The following WNT3 variants were observed in gnomAD, a reference collection of about 807,000 sequenced individuals.
The protein encoded by WNT3 is Wnt family member 3, also known as proto-oncogene Wnt-3.
WNT3 carries 7 observed loss-of-function variants against 34.2 expected under a neutral mutation model. That is an observed-to-expected ratio of 0.20 (90% CI 0.12 to 0.38). The LOEUF (loss-of-function observed/expected upper bound fraction) is 0.38, where lower values mean the gene tolerates loss of function less well. Among genes scored for constraint, WNT3 ranks in the 10% least tolerant of loss-of-function variants. The pLI is 1.00. For missense variants in WNT3, 267 were observed against 499.8 expected (o/e 0.53, Z 4.44); for synonymous variants, 212 against 211.5 (o/e 1.00, Z -0.02).
In WNT3 at chr17:46,768,258, C is replaced by A. The variant is rs568723078; in HGVS notation, c.*8+54G>T. 1.2e-6 allele frequency: 2 copies of A among 1,609,362 alleles called. No individual in the cohort carries two copies. Among genetic ancestry groups the A allele is most frequent in the Non-Finnish European group, 8.5e-7 (1 of 1,179,474 alleles). ...TCAAGAAGACGAGATGGGCAAACAACCCCATTCCCTGCGCCCAGGCTCCCA... is the reference window on the plus strand; with the variant it reads ...TCAAGAAGACGAGATGGGCAAACAAACCCATTCCCTGCGCCCAGGCTCCCA... On this transcript the variant is annotated intron_variant, in intron 4 of 4. Coordinates refer to ENST00000225512, the MANE Select transcript of WNT3 (RefSeq NM_030753.5). This position sits in a 1 kb window ranked among gnomAD's most constrained non-coding sequence, Gnocchi z 5.0.
intron 1 of WNT3, among the ~76,000 whole-genome samples, chr17:46,774,365 C>T (rs2146387247): frequency 6.6e-6 from 1 of 152,286 alleles, no homozygotes; most frequent in East Asian, 1.9e-4. Context: ...CGCGCGCGCA[C>T]ACACACACAC....
At chr17:46,809,438 GGGT>G (rs1345573382) in intron 1 of WNT3, among the ~76,000 whole-genome samples, 2 of 152,182 alleles carry the variant, frequency 1.3e-5, no homozygotes, top group Non-Finnish European at 2.9e-5. Context: ...AGACAGACCT[GGGT>G]GCTTGGTCCT....
chr17:46,773,926 G>T lies in WNT3; in HGVS notation c.81-17C>A, dbSNP rs751442427. ...GCCAGGGACCTGCAGGCAGACAGAGGGTAGTAACACTGTGGGCACAAAGCA... is the reference window on the plus strand; with the variant it reads ...GCCAGGGACCTGCAGGCAGACAGAGTGTAGTAACACTGTGGGCACAAAGCA... On this transcript the variant is annotated splice_polypyrimidine_tract_variant and intron_variant, in intron 1 of 4. Transcript: ENST00000225512. 12 of 1,609,380 alleles carry T rather than the reference G, an allele frequency of 7.5e-6. No homozygotes were observed. The African/African-American group carries it at 1.5e-4, about 20-fold the overall frequency.
intron 4 of WNT3, among the ~76,000 whole-genome samples, chr17:46,766,406 C>CA (rs1241288262): frequency 0.012 from 1,532 of 126,826 alleles, 29 homozygotes; most frequent in African/African-American, 0.035. Flanking sequence ...GACTCAGTCT[C>CA]AAAAAAAAAA....
At chr17:46,769,533 T>C (rs2059344924) in intron 3 of WNT3, among the ~76,000 whole-genome samples, 1 of 152,040 alleles carries the variant, frequency 6.6e-6, no homozygotes, top group Non-Finnish European at 1.5e-5. Context: ...TGGCACCTGA[T>C]CCCACGGGGT....
intron 1 of WNT3, among the ~76,000 whole-genome samples, chr17:46,786,347 A>C (rs1341255369): frequency 1.3e-5 from 2 of 152,188 alleles, no homozygotes; most frequent in East Asian, 3.9e-4. Flanking sequence ...CCCAGGACCA[A>C]ACACAGTCCC....
chr17:46,801,055 C>CTAG (rs1450694617), intron 1 of WNT3, among the ~76,000 whole-genome samples: 1 of 152,196 alleles, frequency 6.6e-6, no homozygotes, highest in African/African-American at 2.4e-5. Flanking sequence ...TGACCCTGTG[C>CTAG]TAGTCTCACA....
At position 46,768,922 on chromosome 17, in the gene WNT3, A is replaced by T; in HGVS notation, c.589-123T>A. 1.4e-6 allele frequency: 2 copies of T among 1,437,640 alleles called. No homozygotes were observed. Among genetic ancestry groups the T allele is most frequent in the South Asian group, 2.7e-5 (2 of 74,390 alleles). 89.1% of individuals were successfully genotyped at this position (1,437,640 alleles called of 1,614,324 possible). On this transcript the variant is annotated intron_variant, in intron 3 of 4. Transcript: ENST00000225512. This position sits in a 1 kb window ranked among gnomAD's most constrained non-coding sequence, Gnocchi z 5.0. Reference sequence around the variant, plus strand: ...CCTTCTCTACTCCTCTGTGACAGGAAGAGAACTGATGGGGACTGAGGCAAG... The same window carrying T: ...CCTTCTCTACTCCTCTGTGACAGGATGAGAACTGATGGGGACTGAGGCAAG...
chr17:46,775,766 A>G (rs2059407813), intron 1 of WNT3, among the ~76,000 whole-genome samples: 1 of 151,784 alleles, frequency 6.6e-6, no homozygotes, highest in Non-Finnish European at 1.5e-5. Context: ...GGTGCCCACC[A>G]CCACGCCCGG....
At chr17:46,784,688 G>A (rs138008913) in intron 1 of WNT3, among the ~76,000 whole-genome samples, 206 of 152,134 alleles carry the variant, frequency 1.4e-3, no homozygotes, top group African/African-American at 4.9e-3. Flanking sequence ...TATTCCGGAC[G>A]AGGTCCCCAC....
chr17:46,807,957 A>G (rs1429865771), intron 1 of WNT3, among the ~76,000 whole-genome samples: 2 of 152,202 alleles, frequency 1.3e-5, no homozygotes, highest in Admixed American at 1.3e-4. Flanking sequence ...GAAATGAACA[A>G]TTGGCTGTTT....
At position 46,764,259 on chromosome 17, in the gene WNT3, A is replaced by G. The variant is rs1282189831; in HGVS notation, c.*371T>C. 6.5e-6 allele frequency: 1 copy of G among 152,674 alleles called. No homozygotes were observed. The highest frequency in any genetic ancestry group is 1.9e-4 in the East Asian group (1 of 5,198). 9.5% of individuals were successfully genotyped at this position (152,674 alleles called of 1,614,324 possible). On this transcript the variant is annotated 3_prime_UTR_variant, in exon 5 of 5. Coordinates refer to ENST00000225512, the MANE Select transcript of WNT3 (RefSeq NM_030753.5). ...TGCCCATGCTGATGTCTTGACTGCC[A>G]GGCTGAGAGCTCACATTAGCCCAGC... is the stretch of plus-strand genomic sequence containing the variant.
rs533014042 is a variant in WNT3, at chr17:46,781,885, C to T, written c.81-7976G>A. 1.2e-4 allele frequency among the ~76,000 whole-genome samples: 18 copies of T among 152,260 alleles called. No homozygotes were observed. The South Asian group carries it at 1.5e-3, about 12-fold the overall frequency. ...AGGCCCAGAGAGGTTTGTCATTTTC[C>T]GGGGTCACACAGCTGGCTGCCCAGG... On this transcript the variant is annotated intron_variant, in intron 1 of 4. Coordinates refer to ENST00000225512, the MANE Select transcript of WNT3 (RefSeq NM_030753.5).
chr17:46,798,769 G>A (rs1044720782), intron 1 of WNT3, among the ~76,000 whole-genome samples: 1 of 152,142 alleles, frequency 6.6e-6, no homozygotes, highest in African/African-American at 2.4e-5. Flanking sequence ...TCCCTGATAG[G>A]CTGGGCGCAG....
At chr17:46,792,481 A>G (rs957098849) in intron 1 of WNT3, among the ~76,000 whole-genome samples, 7 of 151,936 alleles carry the variant, frequency 4.6e-5, no homozygotes, top group African/African-American at 1.5e-4. Flanking sequence ...TGGCCATTTT[A>G]TTATTTTTTT....
chr17:46,771,328 C>T (rs1321921653), intron 2 of WNT3, among the ~76,000 whole-genome samples: 6 of 151,950 alleles, frequency 3.9e-5, no homozygotes. Context: ...GCGCCGCTCA[C>T]TCGCCCCAAT....
chr17:46,803,229 TTTCA>T (rs1242325203), intron 1 of WNT3, among the ~76,000 whole-genome samples: 3 of 152,192 alleles, frequency 2.0e-5, no homozygotes, highest in African/African-American at 7.2e-5. Flanking sequence ...TTTCCTGTAC[TTTCA>T]TTAAAAAGTT....
intron 2 of WNT3, among the ~76,000 whole-genome samples, chr17:46,771,895 C>A (rs1441308456): frequency 6.9e-6 from 1 of 144,478 alleles, no homozygotes; most frequent in Non-Finnish European, 1.5e-5. Context: ...CCCGCCCCTG[C>A]CCCCGCCCCC....
intron 1 of WNT3, among the ~76,000 whole-genome samples, chr17:46,785,449 G>C (rs577156623): frequency 1.3e-5 from 2 of 152,370 alleles, no homozygotes; most frequent in African/African-American, 4.8e-5. Flanking sequence ...ACGGAGAAAA[G>C]ATAACCAAGG....
Sources: gnomAD v4.1 joint callset for allele counts (sites outside exome capture counted in the v4.1 genomes callset) on GRCh38, gnomAD v4.1.1 for gene constraint, Gnocchi (gnomAD v3.1) non-coding constraint, MANE v1.5 for transcripts, NCBI Gene and HGNC (gene_info 2026-07-23, HGNC 2026-07-21) for gene names.